Variants in JAK1 observed in about 807,000 individuals in gnomAD.
JAK1 encodes Janus kinase 1, also known as tyrosine-protein kinase JAK1.
In JAK1, 16 loss-of-function variants were observed where a neutral mutation model predicts 136.6. That is an observed-to-expected ratio of 0.12 (90% confidence interval 0.08 to 0.18). The LOEUF is 0.18. Among genes scored for constraint, JAK1 ranks in the 10% least tolerant of loss-of-function variants. The pLI, the probability that JAK1 is intolerant of heterozygous loss-of-function variation, is 1.00. For missense variants in JAK1, 859 were observed against 1,450.1 expected (o/e 0.59, Z 6.62); for synonymous variants, 492 against 519.5 (o/e 0.95, Z 0.72).
At chr1:65,047,955 TCAAA>T (rs1311633528) in intron 1 of JAK1, among the ~76,000 whole-genome samples, 1 of 152,104 alleles carries the variant, frequency 6.6e-6, no homozygotes, top group Non-Finnish European at 1.5e-5. Context: ...TAGAAAGTCC[TCAAA>T]CAATGTTAAG....
intron 2 of JAK1, among the ~76,000 whole-genome samples, chr1:65,029,241 C>T (rs1025213699): frequency 6.6e-6 from 1 of 152,082 alleles, no homozygotes; most frequent in African/African-American, 2.4e-5. Context: ...GGACTACGGA[C>T]ATGCACCACT....
chr1:65,064,505 A>G (rs538927569), intron 1 of JAK1, among the ~76,000 whole-genome samples: 1 of 152,342 alleles, frequency 6.6e-6, no homozygotes, highest in Admixed American at 6.5e-5. Flanking sequence ...TTTATTAGGT[A>G]GCCCTTCCAA....
intron 2 of JAK1, among the ~76,000 whole-genome samples, chr1:65,039,253 T>C (rs895970355): frequency 3.3e-5 from 5 of 152,214 alleles, no homozygotes; most frequent in African/African-American, 9.7e-5. Flanking sequence ...TTGCTCTCTT[T>C]GTTCCCACAA....
chr1:64,873,848 C>T (rs959807888), intron 4 of JAK1, among the ~76,000 whole-genome samples: 2 of 152,214 alleles, frequency 1.3e-5, no homozygotes, highest in Non-Finnish European at 2.9e-5. Context: ...CAGCTCCCTG[C>T]ACGCTTACCA....
intron 1 of JAK1, among the ~76,000 whole-genome samples, chr1:65,061,831 A>G (rs1341863829): frequency 6.6e-6 from 1 of 152,174 alleles, no homozygotes; most frequent in African/African-American, 2.4e-5. Flanking sequence ...ATGAGGTGGC[A>G]GGTTACAGAA....
At chr1:64,968,196 C>G (rs1166881367), upstream of JAK1, among the ~76,000 whole-genome samples, 1 of 152,054 alleles carries the variant, frequency 6.6e-6, no homozygotes, top group African/African-American at 2.4e-5. Flanking sequence ...ACGAACGAAT[C>G]TGGCTGTTCA....
Position 64,866,937 on chromosome 1 carries a change from C to T in JAK1, c.919G>A (p.Gly307Ser), listed in dbSNP as rs373142876. The T allele has an allele frequency of 4.8e-5, 78 of 1,614,180 alleles. No homozygotes were observed. The highest frequency in any genetic ancestry group is 3.3e-4 in the Middle Eastern group (2 of 6,062). Residue 307 changes from glycine to serine, a missense_variant, in exon 7 of 25, where the codon GGT (glycine) becomes AGT (serine). This residue lies in a region of JAK1 where 353 missense variants were observed against 494.0 expected (regional missense o/e 0.71). Transcript: ENST00000342505. Reference sequence around the variant, plus strand: ...ACTTCGTAGTAGAGAACGTTTCCACCGTCATTCGAATGAAACCAATTCATC... The same window carrying T: ...ACTTCGTAGTAGAGAACGTTTCCACTGTCATTCGAATGAAACCAATTCATC... ...NEMNWFHSND[G>S]GNVLYYEVMV...
intron 2 of JAK1, among the ~76,000 whole-genome samples, chr1:65,010,890 T>C (rs965086663): frequency 6.6e-6 from 1 of 152,122 alleles, no homozygotes; most frequent in African/African-American, 2.4e-5. Flanking sequence ...GAAGAAGCTA[T>C]TCTCCCACTT....
In JAK1 at chr1:64,930,055, G is replaced by A. The variant is rs1024092727; in HGVS notation, c.-78+36278C>T. On this transcript the variant is annotated intron_variant, in intron 1 of 24. Transcript: ENST00000342505. ...CTCAAGACGGATTAAAGACTTAAAC[G>A]TTAAGACCTAAAACCATAATCAGGA... 4.6e-5 allele frequency among the ~76,000 whole-genome samples: 7 copies of A among 152,216 alleles called. No individual in the cohort carries two copies. The East Asian group carries it at 1.2e-3, about 25-fold the overall frequency.
rs373656250 is a variant in JAK1, at chr1:64,871,408, C to T, written c.484-1934G>A. ...TAAAGTAATAGCATAAAAGGGAAAA[C>T]GAGAAAAACAGAAAATGTCCAGGAA... is the stretch of plus-strand genomic sequence containing the variant. On this transcript the variant is annotated intron_variant, in intron 5 of 24. Transcript: ENST00000342505. Among the ~76,000 whole-genome samples, 20 of 152,220 alleles carry T rather than the reference C, an allele frequency of 1.3e-4. 1 individual carries two copies. The highest frequency in any genetic ancestry group is 3.9e-4 in the Admixed American group (6 of 15,288).
chr1:64,983,807 A>G (rs1199169856), intron 2 of JAK1, among the ~76,000 whole-genome samples: 1 of 152,214 alleles, frequency 6.6e-6, no homozygotes, highest in African/African-American at 2.4e-5. Flanking sequence ...CTACATATAA[A>G]CTATAATTTT....
intron 20 of JAK1, chr1:64,839,363 A>G (rs958929095): frequency 2.9e-5 from 12 of 415,782 alleles, no homozygotes; most frequent in South Asian, 6.8e-5. Flanking sequence ...AGTGCAAGTG[A>G]CGTGGAGAGA....
At chr1:64,927,027 TTTTA>T (rs1645594554) in intron 1 of JAK1, among the ~76,000 whole-genome samples, 1 of 152,164 alleles carries the variant, frequency 6.6e-6, no homozygotes, top group Admixed American at 6.5e-5. Flanking sequence ...AAGTCCATAT[TTTTA>T]TGTCCTCAAA....
At position 64,834,035 on chromosome 1, in the gene JAK1, A is replaced by C. The variant is rs922742949; in HGVS notation, c.*527T>G. The C allele has an allele frequency of 7.3e-5, 17 of 232,884 alleles. No individual in the cohort carries two copies. Among genetic ancestry groups the C allele is most frequent in the African/African-American group, 3.7e-4 (17 of 45,334 alleles). 14.4% of individuals were successfully genotyped at this position (232,884 alleles called of 1,614,324 possible). On this transcript the variant is annotated 3_prime_UTR_variant, in exon 25 of 25. Transcript: ENST00000342505. ...AATACAGTCATTTTTGTACAGAAAC[A>C]ATATATACTACCTGGTATCTAATAT...
At chr1:64,960,944 T>C (rs78587818) in intron 1 of JAK1, among the ~76,000 whole-genome samples, 7,601 of 152,308 alleles carry the variant, frequency 0.05, 402 homozygotes, top group East Asian at 0.26. Context: ...TTGTTGACAA[T>C]GGTGTTTGCC....
chr1:64,844,169 G>A lies in JAK1; in HGVS notation c.2298C>T (p.Asp766=), dbSNP rs2100990233. Reference sequence around the variant, plus strand: ...CAGCAGCCACACTCAGGTTCTTGGAGTCCTCAACACACTCAGGAGCAATCC... The same window carrying A: ...CAGCAGCCACACTCAGGTTCTTGGAATCCTCAACACACTCAGGAGCAATCC... ...IPWIAPECVE[D]SKNLSVAADK... is the part of the protein sequence containing the mutation. The change falls in exon 17 of 25, where the codon GAC becomes GAT. Residue 766 remains aspartate, a synonymous_variant. Coordinates refer to ENST00000342505, the MANE Select transcript of JAK1 (RefSeq NM_002227.4). This position sits in a 1 kb window ranked among gnomAD's most constrained non-coding sequence, Gnocchi z 5.7. 6.2e-7 allele frequency: 1 copy of A among 1,614,236 alleles called. No individual in the cohort carries two copies. Among genetic ancestry groups the A allele is most frequent in the Non-Finnish European group, 8.5e-7 (1 of 1,180,038 alleles).
chr1:64,985,543 G>A, intron 2 of JAK1: 4 of 1,324,510 alleles, frequency 3.0e-6, no homozygotes, highest in Non-Finnish European at 4.3e-6. Flanking sequence ...AATAGCACAG[G>A]CCATAGGTCT....
At chr1:64,985,621 G>T (rs1646591246) in intron 2 of JAK1, 2 of 831,344 alleles carry the variant, frequency 2.4e-6, no homozygotes, top group Non-Finnish European at 2.0e-6. Flanking sequence ...ATGCCCAGCT[G>T]GTTGAGAGTG....
chr1:64,998,669 G>A lies in JAK1; in HGVS notation c.-78+45811C>T, dbSNP rs564347382. The stretch of plus-strand genomic sequence containing the variant: ...ACCCAGTGATAATTAAATCATGGGG[G>A]CGGGTCTTTTCCATGCTATTCTTGT... On this transcript the variant is annotated intron_variant, in intron 2 of 25. Coordinates refer to the JAK1 transcript ENST00000671954. Among the ~76,000 whole-genome samples the A allele has an allele frequency of 9.9e-5, 15 of 152,284 alleles. No homozygotes were observed. The East Asian group carries it at 2.5e-3, about 25-fold the overall frequency.
Sources: gnomAD v4.1 joint callset for allele counts (sites outside exome capture counted in the v4.1 genomes callset) on GRCh38, gnomAD v4.1.1 for gene constraint, gnomAD v4.1.1 regional missense constraint, Gnocchi (gnomAD v3.1) non-coding constraint, MANE v1.5 for transcripts, NCBI Gene and HGNC (gene_info 2026-07-23, HGNC 2026-07-21) for gene names.